Variants in SLC9A9 observed in about 807,000 individuals in gnomAD.
SLC9A9 encodes the protein solute carrier family 9 member A9.
SLC9A9 carries 62 observed loss-of-function variants against 77.8 expected under a neutral mutation model. The observed-to-expected ratio is 0.80, with a 90% CI of 0.65 to 0.98. SLC9A9 has a LOEUF of 0.98. SLC9A9 is among the 50% of genes least tolerant of loss of function. The pLI, the probability that SLC9A9 is intolerant of heterozygous loss-of-function variation, is 0.00. For missense variants in SLC9A9, 775 were observed against 774.9 expected (o/e 1.00, Z 0.00); for synonymous variants, 320 against 283.5 (o/e 1.13, Z -1.29).
chr3:143,789,172 C>T (rs1475519173), intron 4 of SLC9A9, among the ~76,000 whole-genome samples: 1 of 152,144 alleles, frequency 6.6e-6, no homozygotes, highest in Non-Finnish European at 1.5e-5. Context: ...ATTGTTATTA[C>T]CTCACAGTAC....
chr3:143,272,033 T>A (rs1246553185), intron 14 of SLC9A9, among the ~76,000 whole-genome samples: 1 of 152,190 alleles, frequency 6.6e-6, no homozygotes, highest in African/African-American at 2.4e-5. Context: ...AGGGGCAGAT[T>A]ACAGCCAACA....
At chr3:143,482,874 G>A (rs566462548) in intron 11 of SLC9A9, among the ~76,000 whole-genome samples, 3 of 152,130 alleles carry the variant, frequency 2.0e-5, no homozygotes, top group African/African-American at 4.8e-5. Context: ...GAGCTGAGGC[G>A]GGGTTGTTCA....
rs556685658 is a variant in SLC9A9, at chr3:143,332,047, A to AAAAT, written c.1604+31433_1604+31436dup. Among the ~76,000 whole-genome samples, 392 of 152,330 alleles carry AAAAT rather than the reference A, an allele frequency of 2.6e-3. 1 individual carries two copies. Among genetic ancestry groups the AAAAT allele is most frequent in the African/African-American group, 9.1e-3 (380 of 41,570 alleles). On this transcript the variant is annotated intron_variant, in intron 14 of 15. Transcript: ENST00000316549. ...AGTTAAGGTTTCATGCTTGGGAGGA[A>AAAAT]AAATAAGAAAATAAGAAATAGATTG...
chr3:143,545,323 A>C (rs1354147510), intron 9 of SLC9A9, among the ~76,000 whole-genome samples: 4 of 152,168 alleles, frequency 2.6e-5, no homozygotes, highest in Admixed American at 2.6e-4. Context: ...GGTTTCCATG[A>C]CATGTTGTGC....
rs140529779 is a variant in SLC9A9, at chr3:143,422,483, G to A, written c.1470-40369C>T. Among the ~76,000 whole-genome samples the A allele has an allele frequency of 5.9e-5, 9 of 152,262 alleles. No homozygotes were observed. In the East Asian group the frequency reaches 7.7e-4, roughly 13 times the overall value. ...GCAGCTGGAGGCCATCATCCTTAGC[G>A]AGTTAACATAGGAACAGAAAACCAA... On this transcript the variant is annotated intron_variant, in intron 12 of 15. Transcript: ENST00000316549.
At chr3:143,735,647 G>T (rs915036070) in intron 4 of SLC9A9, among the ~76,000 whole-genome samples, 3 of 152,180 alleles carry the variant, frequency 2.0e-5, no homozygotes, top group African/African-American at 7.2e-5. Context: ...TCAAACCATA[G>T]GCTTCCTTTT....
chr3:143,833,656 T>C (rs917230802), intron 1 of SLC9A9, among the ~76,000 whole-genome samples: 2 of 152,098 alleles, frequency 1.3e-5, no homozygotes, highest in Non-Finnish European at 2.9e-5. Context: ...GACCAGGATC[T>C]ACGCTCTCCC....
intron 6 of SLC9A9, among the ~76,000 whole-genome samples, chr3:143,580,783 T>A (rs1025979462): frequency 3.3e-5 from 5 of 152,196 alleles, no homozygotes; most frequent in African/African-American, 1.2e-4. Flanking sequence ...TCCTGTGATA[T>A]TTGACTTAAC....
At chr3:143,713,326 C>T (rs1431527052) in intron 4 of SLC9A9, among the ~76,000 whole-genome samples, 1 of 152,130 alleles carries the variant, frequency 6.6e-6, no homozygotes, top group Non-Finnish European at 1.5e-5. Context: ...TTGGAAAATG[C>T]CTCCTAAGAT....
intron 9 of SLC9A9, among the ~76,000 whole-genome samples, chr3:143,547,437 C>T (rs2036808261): frequency 6.6e-6 from 1 of 152,210 alleles, no homozygotes; most frequent in Admixed American, 6.5e-5. Context: ...ATTTGTCCCC[C>T]AAACCTGTTA....
chr3:143,342,978 TA>T (rs1243354431), intron 14 of SLC9A9, among the ~76,000 whole-genome samples: 2 of 152,236 alleles, frequency 1.3e-5, no homozygotes, highest in African/African-American at 4.8e-5. Flanking sequence ...GCTAGTAATA[TA>T]AAAATGACTG....
At chr3:143,395,810 A>G (rs535745728) in intron 12 of SLC9A9, among the ~76,000 whole-genome samples, 1 of 152,380 alleles carries the variant, frequency 6.6e-6, no homozygotes, top group South Asian at 2.1e-4. Flanking sequence ...ACACTTCTCA[A>G]AAGAACACAT....
chr3:143,530,413 T>A (rs2036486731), intron 9 of SLC9A9, among the ~76,000 whole-genome samples: 1 of 152,280 alleles, frequency 6.6e-6, no homozygotes, highest in South Asian at 2.1e-4. Flanking sequence ...TCTCTCCTGC[T>A]TGCCACAGTG....
At chr3:143,659,907 C>T (rs2038954455) in intron 5 of SLC9A9, among the ~76,000 whole-genome samples, 1 of 152,144 alleles carries the variant, frequency 6.6e-6, no homozygotes, top group South Asian at 2.1e-4. Flanking sequence ...CTGTGCTGTT[C>T]TTGTGATAGT....
chr3:143,390,120 A>C (rs1305305537), intron 12 of SLC9A9, among the ~76,000 whole-genome samples: 2 of 152,222 alleles, frequency 1.3e-5, no homozygotes, highest in Non-Finnish European at 2.9e-5. Context: ...GATTCATGCA[A>C]CATTCCTGTC....
intron 4 of SLC9A9, among the ~76,000 whole-genome samples, chr3:143,745,712 A>G (rs1935185089): frequency 6.6e-6 from 1 of 152,216 alleles, no homozygotes; most frequent in African/African-American, 2.4e-5. Context: ...CAAAGTTTAC[A>G]TCTATTGTGT....
intron 6 of SLC9A9, among the ~76,000 whole-genome samples, chr3:143,604,272 G>T (rs2037888527): frequency 6.6e-6 from 1 of 152,078 alleles, no homozygotes. Context: ...TTAATTCAAG[G>T]TACTGTGAAT....
At position 143,542,245 on chromosome 3, in the gene SLC9A9, C is replaced by T. The variant is rs574267982; in HGVS notation, c.1089+10117G>A. On this transcript the variant is annotated intron_variant, in intron 9 of 15. Coordinates refer to ENST00000316549, the MANE Select transcript of SLC9A9 (RefSeq NM_173653.4). ...GCTTAGCTAAGGAGAAATTTAAACACTTTGCCATCATTTATAAATTCAACC... is the reference window on the plus strand; with the variant it reads ...GCTTAGCTAAGGAGAAATTTAAACATTTTGCCATCATTTATAAATTCAACC... 2.6e-5 allele frequency among the ~76,000 whole-genome samples: 4 copies of T among 152,258 alleles called. No individual in the cohort carries two copies. The South Asian group carries it at 8.3e-4, about 32-fold the overall frequency.
At chr3:143,452,122 G>T (rs1220824919) in intron 12 of SLC9A9, among the ~76,000 whole-genome samples, 1 of 152,018 alleles carries the variant, frequency 6.6e-6, no homozygotes, top group Non-Finnish European at 1.5e-5. Flanking sequence ...GTAAAAGATT[G>T]TTAGAAACAG....
Sources: allele counts gnomAD v4.1 joint callset (sites outside exome capture counted in the v4.1 genomes callset), GRCh38; gene constraint gnomAD v4.1.1; transcripts MANE v1.5; gene names NCBI Gene and HGNC (gene_info 2026-07-23, HGNC 2026-07-21).